The following CACNA1C variants were observed in gnomAD, a reference collection of about 807,000 sequenced individuals.
CACNA1C encodes voltage-dependent L-type calcium channel subunit alpha-1C.
CACNA1C carries 30 observed loss-of-function variants against 229.0 expected under a neutral mutation model. The ratio of observed to expected loss-of-function variants is 0.13; its 90% confidence interval spans 0.10 to 0.18. The LOEUF is 0.18. Ranked by LOEUF, CACNA1C falls within the 10% of genes least tolerant of loss-of-function variation. The pLI is 1.00. For synonymous variants in CACNA1C, 1,114 were observed against 1,132.5 expected, an observed-to-expected ratio of 0.98 and a Z score of 0.33; for missense variants, 1,658 against 2,845.0, an observed-to-expected ratio of 0.58 and a Z score of 9.49.
intron 3 of CACNA1C, among the ~76,000 whole-genome samples, chr12:2,141,188 G>A (rs1438142384): frequency 6.6e-6 from 1 of 151,216 alleles, no homozygotes; most frequent in African/African-American, 2.4e-5. Flanking sequence ...GACAGGGGCT[G>A]AATTATGTGG....
chr12:2,139,875 C>T (rs2093970195), intron 3 of CACNA1C, among the ~76,000 whole-genome samples: 2 of 151,278 alleles, frequency 1.3e-5, no homozygotes, highest in South Asian at 2.1e-4. Flanking sequence ...ATGCGACATG[C>T]CCTGGCTTCT....
intron 3 of CACNA1C, among the ~76,000 whole-genome samples, chr12:2,395,320 G>T (rs2098551325): frequency 6.6e-6 from 1 of 150,594 alleles, no homozygotes; most frequent in East Asian, 2.0e-4. Context: ...CTTGGTTGAA[G>T]AGATTCCCCT....
rs374947182 is a variant in CACNA1C, at chr12:2,509,885, C to T, written c.1218-2927C>T. On this transcript the variant is annotated intron_variant, in intron 8 of 46. Transcript: ENST00000399655. ...TGTCCACAGATGACTGAAAGTGCCA[C>T]GAGTATTGATTCTGGAGTTACAAAC... Among the ~76,000 whole-genome samples, 4 of 152,262 alleles carry T rather than the reference C, an allele frequency of 2.6e-5. 1 individual carries two copies. Among genetic ancestry groups the T allele is most frequent in the South Asian group, 2.1e-4 (1 of 4,814 alleles).
At chr12:2,088,959 C>T (rs567312718) in intron 1 of CACNA1C, among the ~76,000 whole-genome samples, 19 of 152,184 alleles carry the variant, frequency 1.2e-4, no homozygotes, top group Middle Eastern at 6.8e-3. Flanking sequence ...TTGTTAAATG[C>T]GGAGGGAGGG....
intron 9 of CACNA1C, among the ~76,000 whole-genome samples, chr12:2,533,303 A>G (rs2099845377): frequency 6.6e-6 from 1 of 152,198 alleles, no homozygotes; most frequent in African/African-American, 2.4e-5. Context: ...CCCTTACCCA[A>G]AATAACCCAG....
chr12:2,369,458 G>A (rs996860711), intron 3 of CACNA1C, among the ~76,000 whole-genome samples: 1 of 151,416 alleles, frequency 6.6e-6, no homozygotes, highest in African/African-American at 2.4e-5. Flanking sequence ...GAGTGCAGTG[G>A]CGCAATCTTG....
At chr12:2,326,367 C>T (rs554982914) in intron 3 of CACNA1C, among the ~76,000 whole-genome samples, 7 of 152,178 alleles carry the variant, frequency 4.6e-5, no homozygotes, top group Non-Finnish European at 7.4e-5. Context: ...TTCAATAAGT[C>T]TAAACTAGGG....
chr12:2,345,828 G>T (rs377514431), intron 3 of CACNA1C, among the ~76,000 whole-genome samples: 7 of 152,156 alleles, frequency 4.6e-5, no homozygotes, highest in Admixed American at 3.3e-4. Context: ...TCCTAAAATG[G>T]AGTATGGTGA....
intron 9 of CACNA1C, among the ~76,000 whole-genome samples, chr12:2,541,224 C>T (rs1164006709): frequency 2.6e-5 from 4 of 152,062 alleles, no homozygotes; most frequent in Non-Finnish European, 4.4e-5. Context: ...TCTGAATTTC[C>T]GAGGGGATAT....
chr12:2,483,520 C>T (rs1480208921), intron 5 of CACNA1C, among the ~76,000 whole-genome samples: 1 of 152,156 alleles, frequency 6.6e-6, no homozygotes, highest in Non-Finnish European at 1.5e-5. Context: ...TTCTTCTTCC[C>T]TGTGTTCTGC....
At chr12:2,032,552 T>G (rs1224569277) in intron 1 of CACNA1C, among the ~76,000 whole-genome samples, 1 of 152,164 alleles carries the variant, frequency 6.6e-6, no homozygotes, top group Non-Finnish European at 1.5e-5. Context: ...AGGGCCACTG[T>G]GTTTGTGAGT....
At chr12:2,458,704 T>C (rs1048511115) in intron 5 of CACNA1C, among the ~76,000 whole-genome samples, 3 of 152,164 alleles carry the variant, frequency 2.0e-5, no homozygotes, top group African/African-American at 7.2e-5. Context: ...ACCCATGGCA[T>C]GCACTGAGCA....
intron 3 of CACNA1C, among the ~76,000 whole-genome samples, chr12:2,430,553 C>G (rs1291863764): frequency 2.0e-5 from 3 of 151,424 alleles, no homozygotes; most frequent in East Asian, 1.9e-4. Context: ...CCTGCCCACC[C>G]CTGACTCAGT....
chr12:2,078,722 G>A (rs1019940007), intron 1 of CACNA1C, among the ~76,000 whole-genome samples: 10 of 152,106 alleles, frequency 6.6e-5, no homozygotes, highest in African/African-American at 4.8e-5. Context: ...TCGGTGTGGC[G>A]ATTCCTCAGG....
At chr12:2,240,060 C>G (rs146605799) in intron 3 of CACNA1C, among the ~76,000 whole-genome samples, 1 of 152,226 alleles carries the variant, frequency 6.6e-6, no homozygotes, top group Non-Finnish European at 1.5e-5. Flanking sequence ...CAACAGTGAT[C>G]GCTAAATTGC....
intron 3 of CACNA1C, among the ~76,000 whole-genome samples, chr12:2,426,259 C>A (rs368281268): frequency 1.3e-5 from 2 of 152,164 alleles, no homozygotes; most frequent in Non-Finnish European, 2.9e-5. Context: ...GAAGGACTGG[C>A]AATCTAATTG....
chr12:2,242,213 A>G (rs1424085891), intron 3 of CACNA1C, among the ~76,000 whole-genome samples: 1 of 152,166 alleles, frequency 6.6e-6, no homozygotes, highest in Non-Finnish European at 1.5e-5. Context: ...AGGTCAGACA[A>G]TGCAAACTTA....
At chr12:2,224,903 T>C (rs2062525049) in intron 3 of CACNA1C, among the ~76,000 whole-genome samples, 1 of 152,196 alleles carries the variant, frequency 6.6e-6, no homozygotes, top group Non-Finnish European at 1.5e-5. Context: ...AGCCAACTGT[T>C]AGGGCTGTTT....
chr12:1,996,944 A>G (rs183236757), intron 1 of CACNA1C, among the ~76,000 whole-genome samples: 14 of 152,292 alleles, frequency 9.2e-5, no homozygotes, highest in Admixed American at 8.5e-4. Flanking sequence ...AAAGGTTTAT[A>G]TTAGGTCTTT....
Sources: gnomAD v4.1 joint callset for allele counts (sites outside exome capture counted in the v4.1 genomes callset) on GRCh38, gnomAD v4.1.1 for gene constraint, MANE v1.5 for transcripts, NCBI Gene and HGNC (gene_info 2026-07-23, HGNC 2026-07-21) for gene names.